The following SPAG16 variants were observed in gnomAD, a reference collection of about 807,000 sequenced individuals.
The protein encoded by SPAG16 is sperm associated antigen 16.
A neutral mutation model predicts 80.4 loss-of-function variants in SPAG16; 86 were observed. The ratio of observed to expected loss-of-function variants is 1.07; its 90% CI spans 0.90 to 1.28. The LOEUF is 1.28. SPAG16 is among the 50% of genes most tolerant of loss of function. The pLI is 0.00. For missense variants in SPAG16, 870 were observed against 765.3 expected, an observed-to-expected ratio of 1.14 and a Z score of -1.61; for synonymous variants, 294 against 265.9, an observed-to-expected ratio of 1.11 and a Z score of -1.03.
intron 15 of SPAG16, among the ~76,000 whole-genome samples, chr2:214,199,353 A>C (rs2057945344): frequency 6.6e-6 from 1 of 152,116 alleles, no homozygotes; most frequent in Non-Finnish European, 1.5e-5. Context: ...CATTTATTGA[A>C]CAGGGTGTCC....
At chr2:213,548,671 A>G (rs1470858227) in intron 10 of SPAG16, among the ~76,000 whole-genome samples, 2 of 152,034 alleles carry the variant, frequency 1.3e-5, no homozygotes, top group East Asian at 3.8e-4. Flanking sequence ...TTTTCTGTTC[A>G]TATGTTTTCT....
At chr2:213,349,323 C>A (rs1286878664) in intron 6 of SPAG16, among the ~76,000 whole-genome samples, 1 of 151,912 alleles carries the variant, frequency 6.6e-6, no homozygotes, top group Non-Finnish European at 1.5e-5. Context: ...AAAATAAGAG[C>A]TGAAATCAAT....
chr2:213,830,559 A>G (rs1027140786), intron 10 of SPAG16, among the ~76,000 whole-genome samples: 5 of 152,156 alleles, frequency 3.3e-5, no homozygotes, highest in African/African-American at 9.7e-5. Flanking sequence ...AGAGGTTTCT[A>G]TTTGGCCATC....
intron 10 of SPAG16, among the ~76,000 whole-genome samples, chr2:213,814,725 G>T (rs1211343714): frequency 2.0e-5 from 3 of 152,054 alleles, no homozygotes; most frequent in Non-Finnish European, 2.9e-5. Context: ...GGGAGGCGGA[G>T]GTTGCAGTGA....
rs71397187 is a variant in SPAG16 at position 213,361,364 on chromosome 2, A to ATGTGTG, written c.763-2702_763-2697dup. 3.0e-4 allele frequency among the ~76,000 whole-genome samples: 45 copies of ATGTGTG among 148,864 alleles called. 1 individual carries two copies. The highest frequency in any genetic ancestry group is 4.8e-4 in the Non-Finnish European group (32 of 67,192). Reference sequence around the variant, plus strand: ...GGATTCTAACTCAGAATATGTATGTATGTGTGTGTGTGTGTATATATATAT... The same window carrying ATGTGTG: ...GGATTCTAACTCAGAATATGTATGTATGTGTGTGTGTGTGTGTGTGTATATATATAT... On this transcript the variant is annotated intron_variant, in intron 7 of 15. Transcript: ENST00000331683.
At chr2:214,271,851 CCA>C (rs1491257459) in intron 15 of SPAG16, among the ~76,000 whole-genome samples, 3,726 of 145,642 alleles carry the variant, frequency 0.026, 109 homozygotes, top group East Asian at 0.071. Flanking sequence ...AACCCCCCCC[CCA>C]AAAAAAAAGA....
At chr2:214,039,005 G>A (rs964409122) in intron 13 of SPAG16, among the ~76,000 whole-genome samples, 4 of 152,066 alleles carry the variant, frequency 2.6e-5, no homozygotes, top group Admixed American at 6.5e-5. Context: ...ATAAACATAC[G>A]TGTGCATGTG....
In SPAG16 at chr2:213,980,593, A is replaced by C. The variant is rs1012343650; in HGVS notation, c.1401-33358A>C. On this transcript the variant is annotated intron_variant, in intron 12 of 15. Coordinates refer to ENST00000331683, the MANE Select transcript of SPAG16 (RefSeq NM_024532.5). ...TAGAGAGTATATGTATATATAGAAT[A>C]TATGTATATATGGAGTATATGTATA... 1.3e-4 allele frequency among the ~76,000 whole-genome samples: 18 copies of C among 143,598 alleles called. No individual in the cohort carries two copies. The South Asian group carries it at 3.8e-3, about 30-fold the overall frequency. The allele number at this position is 143,598 out of a possible 152,430, so 94.2% of individuals were successfully genotyped here. A position where few individuals can be genotyped will look rare whatever the true frequency, so the allele number is the denominator to read the frequency against.
intron 6 of SPAG16, among the ~76,000 whole-genome samples, chr2:213,350,025 A>G (rs1476133993): frequency 6.6e-6 from 1 of 152,212 alleles, no homozygotes; most frequent in Non-Finnish European, 1.5e-5. Flanking sequence ...TATATTATAT[A>G]CTAGGCTGAA....
At chr2:213,403,614 A>G (rs2068448969) in intron 9 of SPAG16, among the ~76,000 whole-genome samples, 1 of 152,222 alleles carries the variant, frequency 6.6e-6, no homozygotes, top group South Asian at 2.1e-4. Context: ...TGAATGGGCA[A>G]AAACTGGAAG....
At chr2:213,790,918 CTGAG>C (rs764797913) in intron 10 of SPAG16, among the ~76,000 whole-genome samples, 1 of 152,034 alleles carries the variant, frequency 6.6e-6, no homozygotes, top group Non-Finnish European at 1.5e-5. Context: ...CAGCTGCTGC[CTGAG>C]TATTTTGCTT....
intron 13 of SPAG16, among the ~76,000 whole-genome samples, chr2:214,066,832 G>A (rs2050553563): frequency 6.6e-6 from 1 of 152,138 alleles, no homozygotes; most frequent in South Asian, 2.1e-4. Flanking sequence ...AAATAGAAGA[G>A]CAGAAAGGAA....
At chr2:213,693,106 A>C (rs1353976861) in intron 10 of SPAG16, among the ~76,000 whole-genome samples, 1 of 152,142 alleles carries the variant, frequency 6.6e-6, no homozygotes, top group Admixed American at 6.5e-5. Flanking sequence ...TGCCAAGCAC[A>C]CTCTGTAAGC....
intron 5 of SPAG16, among the ~76,000 whole-genome samples, chr2:213,327,599 A>G (rs1237201510): frequency 1.3e-5 from 2 of 152,172 alleles, no homozygotes; most frequent in African/African-American, 4.8e-5. Context: ...TTGTGGGTTT[A>G]CATTTCACAT....
rs548244618 is a variant in SPAG16, at chr2:213,573,818, A to G, written c.1070+83728A>G. On this transcript the variant is annotated intron_variant, in intron 10 of 15. Transcript: ENST00000331683. The stretch of plus-strand genomic sequence containing the variant: ...AAGCACTCCCAGAAGCTTTGAATAA[A>G]TAATTTTGGTAACCACATGATGATA... 8.7e-4 allele frequency among the ~76,000 whole-genome samples: 133 copies of G among 152,324 alleles called. 1 individual carries two copies. The highest frequency in any genetic ancestry group is 3.3e-3 in the South Asian group (16 of 4,830).
chr2:213,915,351 C>T (rs900649425), intron 11 of SPAG16, among the ~76,000 whole-genome samples: 24 of 152,068 alleles, frequency 1.6e-4, no homozygotes, highest in African/African-American at 5.8e-4. Flanking sequence ...CATTGTTCAC[C>T]TCCCACTTAT....
chr2:214,131,853 A>T (rs1429416058), intron 14 of SPAG16, among the ~76,000 whole-genome samples: 1 of 152,054 alleles, frequency 6.6e-6, no homozygotes, highest in Non-Finnish European at 1.5e-5. Flanking sequence ...GGGTGGTGAA[A>T]ATACTCTTAT....
At chr2:214,320,831 C>T (rs910231705) in intron 15 of SPAG16, among the ~76,000 whole-genome samples, 2 of 152,168 alleles carry the variant, frequency 1.3e-5, no homozygotes, top group Non-Finnish European at 2.9e-5. Context: ...GGTGGGGAGG[C>T]AAAGCCTAAC....
chr2:213,535,728 GTCTC>G lies in SPAG16; in HGVS notation c.1070+45640_1070+45643del, dbSNP rs907233604. ...TGTAAATGAGTATACGAATTTAAAA[GTCTC>G]TATCATAAGAAGAAATGTTCTTTAG... On this transcript the variant is annotated intron_variant, in intron 10 of 15. Coordinates refer to ENST00000331683, the MANE Select transcript of SPAG16 (RefSeq NM_024532.5). Among the ~76,000 whole-genome samples the G allele has an allele frequency of 3.3e-5, 5 of 152,082 alleles. 1 individual carries two copies. The highest frequency in any genetic ancestry group is 4.8e-5 in the African/African-American group (2 of 41,444).
Sources: allele counts gnomAD v4.1 joint callset (sites outside exome capture counted in the v4.1 genomes callset), GRCh38; gene constraint gnomAD v4.1.1; transcripts MANE v1.5; gene names NCBI Gene and HGNC (gene_info 2026-07-23, HGNC 2026-07-21).